The following PKHD1 variants were observed in gnomAD, a reference collection of about 807,000 sequenced individuals.
PKHD1 encodes the protein PKHD1 ciliary IPT domain containing fibrocystin/polyductin.
In PKHD1, 291 loss-of-function variants were observed where a neutral mutation model predicts 412.0. That is an observed-to-expected ratio of 0.71 (90% CI 0.64 to 0.78). The LOEUF (loss-of-function observed/expected upper bound fraction) is 0.78. PKHD1 is among the 30% of genes least tolerant of loss of function. The pLI, the probability that PKHD1 is intolerant of heterozygous loss-of-function variation, is 0.00. For synonymous variants in PKHD1, 1,777 were observed against 1,821.5 expected, an observed-to-expected ratio of 0.98 and a Z score of 0.62; for missense variants, 4,825 against 4,950.7, an observed-to-expected ratio of 0.97 and a Z score of 0.76.
At chr6:51,900,669 A>C (rs1781095259) in intron 43 of PKHD1, among the ~76,000 whole-genome samples, 1 of 151,926 alleles carries the variant, frequency 6.6e-6, no homozygotes, top group South Asian at 2.1e-4. Context: ...AAATTGACAA[A>C]TGGGATCTAA....
At chr6:51,808,022 A>C (rs1764112194) in intron 52 of PKHD1, among the ~76,000 whole-genome samples, 1 of 152,160 alleles carries the variant, frequency 6.6e-6, no homozygotes, top group Non-Finnish European at 1.5e-5. Context: ...AAAAACCACG[A>C]ATTGTACAAT....
intron 49 of PKHD1, among the ~76,000 whole-genome samples, chr6:51,854,869 A>G (rs779808217): frequency 2.2e-4 from 33 of 152,370 alleles, no homozygotes; most frequent in Non-Finnish European, 3.8e-4. Context: ...GGCAGTTGCA[A>G]GTCCCAGTGC....
rs1481775888 is a variant in PKHD1, at chr6:51,915,282, C to G, written c.6122-2706G>C. On this transcript the variant is annotated intron_variant, in intron 37 of 66. Transcript: ENST00000371117. ...TCTGCTGCATTCTTTAGAACTTAAT[C>G]CTGAGAGAAGGCTCCAAGACTTGCT... Among the ~76,000 whole-genome samples, 4 of 152,224 alleles carry G rather than the reference C, an allele frequency of 2.6e-5. No homozygotes were observed. The South Asian group carries it at 8.3e-4, about 32-fold the overall frequency.
chr6:52,050,067 A>G (rs552752548), intron 22 of PKHD1, 90 bp downstream of exon 22: 28 of 1,219,340 alleles, frequency 2.3e-5, no homozygotes, highest in African/African-American at 1.9e-4. Flanking sequence ...CAAGACAGGT[A>G]GCTTTTCCTG....
intron 55 of PKHD1, among the ~76,000 whole-genome samples, chr6:51,759,885 C>T (rs559247114): frequency 6.6e-6 from 1 of 152,222 alleles, no homozygotes; most frequent in Admixed American, 6.6e-5. Flanking sequence ...TCTGCCTGCC[C>T]TCAAAGTTCA....
At chr6:51,777,667 T>C (rs1282207945) in intron 53 of PKHD1, among the ~76,000 whole-genome samples, 1 of 140,724 alleles carries the variant, frequency 7.1e-6, no homozygotes, top group African/African-American at 2.8e-5. Flanking sequence ...GAGGGTAGTT[T>C]AGAGTCTTTG....
chr6:51,672,594 A>C (rs1188992661), intron 60 of PKHD1, among the ~76,000 whole-genome samples: 1 of 152,192 alleles, frequency 6.6e-6, no homozygotes, highest in Non-Finnish European at 1.5e-5. Flanking sequence ...GGCTATACCC[A>C]GTAAGATGGA....
In PKHD1 at chr6:51,831,099, T is replaced by A. The variant is rs879449936; in HGVS notation, c.8174-110A>T. 1.0e-5 allele frequency: 8 copies of A among 766,592 alleles called. No homozygotes were observed. In the Admixed American group the frequency reaches 1.0e-4, roughly 10 times the overall value. The allele number at this position is 766,592 out of a possible 1,614,324, so 47.5% of individuals were successfully genotyped here. A position where few individuals can be genotyped will look rare whatever the true frequency, so the allele number is the denominator to read the frequency against. On this transcript the variant is annotated intron_variant, in intron 51 of 66. Coordinates refer to ENST00000371117, the MANE Select transcript of PKHD1 (RefSeq NM_138694.4). ...TTTCACCTCCCAAAGAAGCTGCCTA[T>A]CAATATTTTATAAGTTTCTGTACAA...
chr6:51,807,639 G>T (rs1033057929), intron 52 of PKHD1, among the ~76,000 whole-genome samples: 1 of 151,612 alleles, frequency 6.6e-6, no homozygotes, highest in African/African-American at 2.4e-5. Context: ...AAGAATGAGT[G>T]ACTGCTGTAT....
At chr6:51,682,304 AT>A (rs1270069112) in intron 60 of PKHD1, 6 of 444,888 alleles carry the variant, frequency 1.3e-5, no homozygotes, top group Non-Finnish European at 2.7e-5. Context: ...TCTTTACATA[AT>A]TTATCATAAT....
intron 36 of PKHD1, among the ~76,000 whole-genome samples, chr6:51,958,320 A>G (rs541011177): frequency 5.3e-5 from 8 of 152,232 alleles, no homozygotes; most frequent in African/African-American, 1.7e-4. Flanking sequence ...TCTAAATAAT[A>G]TGAGAGTGAA....
chr6:52,023,344 A>G (rs1212708034), intron 32 of PKHD1, among the ~76,000 whole-genome samples: 3 of 152,088 alleles, frequency 2.0e-5, no homozygotes, highest in Admixed American at 2.0e-4. Context: ...TTAAGCATCT[A>G]TGTTTCTGAT....
At position 51,748,749 on chromosome 6, in the gene PKHD1, G is replaced by A. The variant is rs574592499; in HGVS notation, c.8951-84C>T. 80 of 1,098,610 alleles carry A rather than the reference G, an allele frequency of 7.3e-5. No homozygotes were observed. The African/African-American group carries it at 1.2e-3, about 17-fold the overall frequency. The allele number at this position is 1,098,610 out of a possible 1,614,324, so 68.1% of individuals were successfully genotyped here. On this transcript the variant is annotated intron_variant, in intron 57 of 66. Coordinates refer to ENST00000371117, the MANE Select transcript of PKHD1 (RefSeq NM_138694.4). Reference sequence around the variant, plus strand: ...GGCCCATTTTGGGGCATTAAGATATGAACATTTTTAATGAAAATGTAAGTT... The same window carrying A: ...GGCCCATTTTGGGGCATTAAGATATAAACATTTTTAATGAAAATGTAAGTT...
intron 46 of PKHD1, among the ~76,000 whole-genome samples, chr6:51,871,067 C>A (rs1775918327): frequency 6.6e-6 from 1 of 152,102 alleles, no homozygotes; most frequent in East Asian, 1.9e-4. Context: ...TTAAAACTCT[C>A]CTGTTTCTAG....
chr6:51,769,919 A>T (rs1038517439), intron 55 of PKHD1, among the ~76,000 whole-genome samples: 5 of 151,604 alleles, frequency 3.3e-5, no homozygotes, highest in Admixed American at 1.3e-4. Context: ...ATAATTTATT[A>T]TACCTTTTTT....
Position 51,673,040 on chromosome 6 carries a change from A to G in PKHD1, c.10157-13071T>C, listed in dbSNP as rs568248651. Among the ~76,000 whole-genome samples the G allele has an allele frequency of 3.3e-5, 5 of 152,310 alleles. No homozygotes were observed. In the East Asian group the frequency reaches 9.6e-4, roughly 29 times the overall value. ...TGTGTCTGGCATTCTTCTAGAGAGG[A>G]CTTGAAGATGATATGAACAATGAGA... On this transcript the variant is annotated intron_variant, in intron 60 of 66. Coordinates refer to ENST00000371117, the MANE Select transcript of PKHD1 (RefSeq NM_138694.4).
chr6:51,635,954 C>T (rs1396577820), intron 64 of PKHD1, among the ~76,000 whole-genome samples: 2 of 151,764 alleles, frequency 1.3e-5, no homozygotes, highest in Admixed American at 1.3e-4. Flanking sequence ...CTGAGAACCC[C>T]ACGGCACCAA....
rs1216445909 is a variant in PKHD1, at chr6:51,807,458, A to AATAT, written c.8303-16089_8303-16086dup. On this transcript the variant is annotated intron_variant, in intron 52 of 66. Transcript: ENST00000371117. ...GTCTCAAAAAAAAAAAAAAAAAAAA[A>AATAT]ATATATATATATATATATATATGTA... 9.5e-4 allele frequency among the ~76,000 whole-genome samples: 47 copies of AATAT among 49,696 alleles called. 2 individuals are homozygous for AATAT. The highest frequency in any genetic ancestry group is 2.1e-3 in the African/African-American group (35 of 16,644). The allele number at this position is 49,696 out of a possible 152,430, so 32.6% of individuals were successfully genotyped here.
Position 51,616,501 on chromosome 6 carries a change from G to T in PKHD1, c.*2580C>A, listed in dbSNP as rs886061595. 6.1e-5 allele frequency: 24 copies of T among 391,752 alleles called. No individual in the cohort carries two copies. The highest frequency in any genetic ancestry group is 1.3e-5 in the Non-Finnish European group (3 of 222,432). The allele number at this position is 391,752 out of a possible 1,614,324, so 24.3% of individuals were successfully genotyped here. On this transcript the variant is annotated 3_prime_UTR_variant, in exon 67 of 67. Transcript: ENST00000371117. ...GAATGAACATAGAGCTGCTCTCTTT[G>T]CTTTTGGTGTTTCCCTAATTCTCTC... is the stretch of plus-strand genomic sequence containing the variant.
Sources: gnomAD v4.1 joint callset for allele counts (sites outside exome capture counted in the v4.1 genomes callset) on GRCh38, gnomAD v4.1.1 for gene constraint, MANE v1.5 for transcripts, NCBI Gene and HGNC (gene_info 2026-07-23, HGNC 2026-07-21) for gene names.